VAMP8: variants seen among roughly 807,000 people sequenced by gnomAD.
VAMP8 encodes the protein vesicle-associated membrane protein 8.
VAMP8 carries 9 observed loss-of-function variants against 11.4 expected under a neutral mutation model. The observed-to-expected ratio is 0.79, with a 90% CI of 0.48 to 1.38. The LOEUF (loss-of-function observed/expected upper bound fraction) is 1.38. VAMP8 is among the 40% of genes most tolerant of loss of function. The pLI is 0.00. For missense variants in VAMP8, 108 were observed against 127.8 expected (o/e 0.85, Z 0.75); for synonymous variants, 42 against 44.7 (o/e 0.94, Z 0.24).
rs372197960 is a variant in VAMP8, at chr2:85,577,599, G to A, written c.-48G>A. 9 of 1,551,670 alleles carry A rather than the reference G, an allele frequency of 5.8e-6. No homozygotes were observed. In the African/African-American group the frequency reaches 1.2e-4, roughly 21 times the overall value. On this transcript the variant is annotated 5_prime_UTR_variant, in exon 1 of 3. Coordinates refer to ENST00000263864, the MANE Select transcript of VAMP8 (RefSeq NM_003761.5). ...GAACTGAGGGCCACCCTGGGAGGAA[G>A]CCGACTAGGCGAATTCACTTACTGA...
intron 1 of VAMP8, among the ~76,000 whole-genome samples, 193 bp downstream of exon 1, chr2:85,577,842 C>T (rs984230434): frequency 4.6e-5 from 7 of 152,278 alleles, no homozygotes; most frequent in African/African-American, 1.7e-4. Flanking sequence ...TGTTTCTACT[C>T]CTTCTCCCTC....
At chr2:85,577,694 C>G (rs1319172183) in intron 1 of VAMP8, 45 bp downstream of exon 1, 1 of 1,546,992 alleles carries the variant, frequency 6.5e-7, no homozygotes, top group Admixed American at 2.0e-5. Context: ...AAAGAGGAGC[C>G]AGAGGGGGCT....
intron 1 of VAMP8, 85 bp from the exon 2 acceptor site, chr2:85,578,924 T>C: frequency 1.4e-6 from 2 of 1,444,432 alleles, no homozygotes; most frequent in Non-Finnish European, 1.9e-6. Context: ...TAAGTCTGCC[T>C]GAGGCCTTAC....
At position 85,577,592 on chromosome 2, in the gene VAMP8, G is replaced by C. The variant is rs1045337399; in HGVS notation, c.-55G>C. On this transcript the variant is annotated 5_prime_UTR_variant, in exon 1 of 3. Transcript: ENST00000263864. The stretch of plus-strand genomic sequence containing the variant: ...AGGAAGTGAACTGAGGGCCACCCTG[G>C]GAGGAAGCCGACTAGGCGAATTCAC... The C allele has an allele frequency of 6.4e-7, 1 of 1,551,664 alleles. No homozygotes were observed. The highest frequency in any genetic ancestry group is 8.7e-7 in the Non-Finnish European group (1 of 1,146,984).
chr2:85,577,901 C>G (rs928243146), intron 1 of VAMP8, among the ~76,000 whole-genome samples: 3 of 152,178 alleles, frequency 2.0e-5, no homozygotes, highest in Non-Finnish European at 4.4e-5. Context: ...CGTGCCAGCG[C>G]CGATGGGGGC....
Position 85,581,661 on chromosome 2 carries a change from T to C in VAMP8, c.248T>C (p.Ile83Thr), listed in dbSNP as rs1478541162. 2 of 1,614,160 alleles carry C rather than the reference T, an allele frequency of 1.2e-6. No homozygotes were observed. Among genetic ancestry groups the C allele is most frequent in the Admixed American group, 1.7e-5 (1 of 60,024 alleles). Residue 83 changes from isoleucine to threonine, a missense_variant, in exon 3 of 3, where the codon ATT (isoleucine) becomes ACT (threonine). Physicochemically the swap from Ile to Thr is moderately conservative, Grantham distance 89. Coordinates refer to ENST00000263864, the MANE Select transcript of VAMP8 (RefSeq NM_003761.5). ...AAGATGATTGTCCTTATCTGCGTGA[T>C]TGTTTTTATCATCATCCTCTTCATT... ...NVKMIVLICV[I>T]VFIIILFIVL... is the part of the protein sequence containing the mutation.
intron 2 of VAMP8, 93 bp from the exon 3 acceptor site, chr2:85,581,483 A>G: frequency 6.6e-7 from 1 of 1,509,078 alleles, no homozygotes; most frequent in South Asian, 1.3e-5. Flanking sequence ...AAAAAAAAAA[A>G]AAAGTATGGC....
chr2:85,577,719 G>A (rs1672304752), intron 1 of VAMP8, 70 bp downstream of exon 1: 3 of 1,550,048 alleles, frequency 1.9e-6, no homozygotes, highest in Admixed American at 2.0e-5. Context: ...ACTGGGGGTT[G>A]GCTGTGTCGG....
intron 1 of VAMP8, among the ~76,000 whole-genome samples, chr2:85,577,925 CAA>C (rs1672307818): frequency 6.6e-6 from 1 of 152,186 alleles, no homozygotes; most frequent in Non-Finnish European, 1.5e-5. Flanking sequence ...GAATTCCAGG[CAA>C]AGAGTTGTTG....
chr2:85,580,175 C>T (rs1672346229), intron 2 of VAMP8, among the ~76,000 whole-genome samples: 1 of 152,136 alleles, frequency 6.6e-6, no homozygotes, highest in Non-Finnish European at 1.5e-5. Context: ...TGGTCTTGAC[C>T]TCCTGACCTC....
Position 85,579,118 on chromosome 2 carries a change from G to A in VAMP8, c.113G>A (p.Gly38Glu), listed in dbSNP as rs1202657701. ...TQNVERILAR[G>E]ENLEHLRNKT... Reference sequence around the variant, plus strand: ...AATGTGGAGCGGATCCTGGCCCGGGGGGAAAACTTGGAACATCTCCGCAAC... The same window carrying A: ...AATGTGGAGCGGATCCTGGCCCGGGAGGAAAACTTGGAACATCTCCGCAAC... Residue 38 changes from glycine to glutamate, a missense_variant, in exon 2 of 3, where the codon GGG (glycine) becomes GAG (glutamate). Gly to Glu is a moderately conservative substitution (Grantham distance 98). Transcript: ENST00000263864. The A allele has an allele frequency of 6.2e-7, 1 of 1,608,436 alleles. No individual in the cohort carries two copies. The highest frequency in any genetic ancestry group is 1.3e-5 in the African/African-American group (1 of 74,920).
rs561356918 is a variant in VAMP8, at chr2:85,579,039, C to T, written c.34C>T (p.Arg12Cys). ...AGCCAGTGAAGGTGGAGGAAATGAT[C>T]GTGTGCGGAACCTGCAAAGTGAGGT... ...EEASEGGGND[R>C]VRNLQSEVEG... Residue 12 changes from arginine to cysteine, a missense_variant, in exon 2 of 3, where the codon CGT becomes TGT. By Grantham distance (180) the Arg-to-Cys change is radical. Coordinates refer to ENST00000263864, the MANE Select transcript of VAMP8 (RefSeq NM_003761.5). 4.0e-5 allele frequency: 65 copies of T among 1,607,144 alleles called. 1 individual carries two copies. In the South Asian group the frequency reaches 5.7e-4, roughly 14 times the overall value.
Position 85,581,566 on chromosome 2 carries a change from T to TC in VAMP8, c.163-6dup, listed in dbSNP as rs1225580254. ...CCACTGGGTCACTCACTCTGCCTTT[T>TC]CCCCAACAGTCTGAGCACTTCAAGA... On this transcript the variant is annotated splice_polypyrimidine_tract_variant and intron_variant, in intron 2 of 2. Transcript: ENST00000263864. 1.1e-5 allele frequency: 17 copies of TC among 1,613,842 alleles called. No homozygotes were observed. Among genetic ancestry groups the TC allele is most frequent in the Admixed American group, 1.7e-5 (1 of 59,980 alleles).
rs773644224 is a variant in VAMP8 at position 85,581,913 on chromosome 2, A to C, written c.*197A>C. The C allele has an allele frequency of 7.2e-6, 5 of 693,672 alleles. No homozygotes were observed. Among genetic ancestry groups the C allele is most frequent in the Non-Finnish European group, 1.2e-5 (5 of 424,232 alleles). The allele number at this position is 693,672 out of a possible 1,614,324, so 43.0% of individuals were successfully genotyped here. A position where few individuals can be genotyped will look rare whatever the true frequency, so the allele number is the denominator to read the frequency against. ...CCCCGGAAGGAGAGAAAAAAGAGAGATGGACTGTGGCTGCATTTCTTGGGT... is the reference window on the plus strand; with the variant it reads ...CCCCGGAAGGAGAGAAAAAAGAGAGCTGGACTGTGGCTGCATTTCTTGGGT... On this transcript the variant is annotated 3_prime_UTR_variant, in exon 3 of 3. Transcript: ENST00000263864.
At chr2:85,578,436 G>A (rs190541674) in intron 1 of VAMP8, among the ~76,000 whole-genome samples, 6 of 152,308 alleles carry the variant, frequency 3.9e-5, no homozygotes, top group African/African-American at 1.2e-4. Context: ...GTGGCTCAAC[G>A]GCTCCAGGCG....
At chr2:85,580,738 C>G (rs1672362664) in intron 2 of VAMP8, among the ~76,000 whole-genome samples, 1 of 145,358 alleles carries the variant, frequency 6.9e-6, no homozygotes, top group Non-Finnish European at 1.5e-5. Flanking sequence ...GCAATCTCGG[C>G]TCACTGCAAC....
intron 2 of VAMP8, among the ~76,000 whole-genome samples, chr2:85,580,981 A>G (rs1672367694): frequency 2.0e-5 from 3 of 151,914 alleles, no homozygotes; most frequent in Admixed American, 2.0e-4. Flanking sequence ...AGCATCTTTT[A>G]TTTAGCAGTT....
At chr2:85,578,749 G>A (rs143350048) in intron 1 of VAMP8, among the ~76,000 whole-genome samples, 16 of 152,302 alleles carry the variant, frequency 1.1e-4, no homozygotes, top group Non-Finnish European at 1.6e-4. Context: ...GTGATGTGCT[G>A]CTTTTCCTTG....
intron 2 of VAMP8, among the ~76,000 whole-genome samples, chr2:85,580,136 G>C (rs1424214543): frequency 6.6e-6 from 1 of 152,052 alleles, no homozygotes. Context: ...ATTTTTAGTA[G>C]AGACGAAGTT....
Sources: gnomAD v4.1 joint callset for allele counts (sites outside exome capture counted in the v4.1 genomes callset) on GRCh38, gnomAD v4.1.1 for gene constraint, MANE v1.5 for transcripts, NCBI Gene and HGNC (gene_info 2026-07-23, HGNC 2026-07-21) for gene names.